Variants in EPC1 observed in about 807,000 individuals in gnomAD.
The protein encoded by EPC1 is enhancer of polycomb homolog 1.
A neutral mutation model predicts 98.4 loss-of-function variants in EPC1; 12 were observed. The observed-to-expected ratio is 0.12, with a 90% CI of 0.08 to 0.20. The LOEUF is 0.20. EPC1 is among the 10% of genes least tolerant of loss of function. EPC1 has a pLI of 1.00. For synonymous variants in EPC1, 357 were observed against 363.9 expected (o/e 0.98, Z 0.21); for missense variants, 729 against 990.5 (o/e 0.74, Z 3.54).
Position 32,272,137 on chromosome 10 carries a change from T to C in EPC1, c.1894A>G (p.Ser632Gly). ...GFVSKTLDSASAQFAASALVT... is the reference protein window; with the variant it reads ...GFVSKTLDSAGAQFAASALVT... Reference sequence around the variant, plus strand: ...AAAGCAGAAGCAGCAAACTGTGCACTAGCAGAATCCAAAGTCTTAGAAACA... The same window carrying C: ...AAAGCAGAAGCAGCAAACTGTGCACCAGCAGAATCCAAAGTCTTAGAAACA... The change falls in exon 12 of 14, where the codon AGT (serine) becomes GGT (glycine). Residue 632 changes from serine (S) to glycine (G), a missense_variant. This residue lies in a region of EPC1 where 390 missense variants were observed against 438.6 expected (regional missense o/e 0.89). Coordinates refer to ENST00000319778, the MANE Select transcript of EPC1 (RefSeq NM_001272004.3). 1 of 1,612,166 alleles carries C rather than the reference T, an allele frequency of 6.2e-7. No individual in the cohort carries two copies.
intron 10 of EPC1, among the ~76,000 whole-genome samples, chr10:32,280,574 A>G (rs1272097210): frequency 6.6e-6 from 1 of 152,190 alleles, no homozygotes; most frequent in Non-Finnish European, 1.5e-5. Flanking sequence ...CCCCGTCTCT[A>G]CTAAAAATAC....
intron 10 of EPC1, among the ~76,000 whole-genome samples, chr10:32,278,133 C>T (rs915649277): frequency 4.0e-5 from 6 of 151,148 alleles, no homozygotes; most frequent in Non-Finnish European, 8.8e-5. Flanking sequence ...CCAGGCCTCC[C>T]GGGTTCAAGC....
intron 10 of EPC1, 131 bp from the exon 11 acceptor site, chr10:32,273,412 A>G: frequency 8.7e-7 from 1 of 1,151,378 alleles, no homozygotes; most frequent in African/African-American, 1.6e-5. Context: ...TGATCCTGCT[A>G]AAGATCACTT....
intron 1 of EPC1, among the ~76,000 whole-genome samples, chr10:32,307,903 C>G (rs1835966896): frequency 6.6e-6 from 1 of 152,240 alleles, no homozygotes; most frequent in Admixed American, 6.5e-5. Flanking sequence ...CCCTTAATCT[C>G]TTAACCCTTA....
rs532879246 is a variant in EPC1 at position 32,300,397 on chromosome 10, C to T, written c.313+5375G>A. On this transcript the variant is annotated intron_variant, in intron 2 of 13. Coordinates refer to ENST00000319778, the MANE Select transcript of EPC1 (RefSeq NM_001272004.3). ...CTCCTAATGCTTTCCCTCCCGCCCC[C>T]GCTCCTGCATTTTTTCTATAGTGTA... 2.0e-5 allele frequency among the ~76,000 whole-genome samples: 3 copies of T among 151,596 alleles called. No individual in the cohort carries two copies. The East Asian group carries it at 5.8e-4, about 29-fold the overall frequency.
intron 2 of EPC1, among the ~76,000 whole-genome samples, chr10:32,304,029 C>T (rs1331376120): frequency 6.6e-6 from 1 of 152,112 alleles, no homozygotes; most frequent in Non-Finnish European, 1.5e-5. Flanking sequence ...GACAAGTTAC[C>T]TCAAATTTGT....
intron 1 of EPC1, among the ~76,000 whole-genome samples, chr10:32,356,284 A>T (rs949962605): frequency 6.6e-6 from 1 of 152,186 alleles, no homozygotes; most frequent in Non-Finnish European, 1.5e-5. Flanking sequence ...CTTCTCCATG[A>T]CACCTTGAGT....
chr10:32,358,706 A>T (rs558738408), intron 1 of EPC1, among the ~76,000 whole-genome samples: 3 of 152,026 alleles, frequency 2.0e-5, no homozygotes, highest in African/African-American at 7.2e-5. Context: ...GCACAGAACC[A>T]ATGTCTGCTG....
chr10:32,347,874 A>C (rs978301220), upstream of EPC1, among the ~76,000 whole-genome samples: 52 of 152,258 alleles, frequency 3.4e-4, 1 homozygote, highest in Admixed American at 3.0e-3. Flanking sequence ...CATTGGGCTT[A>C]ATATAAATGA....
At position 32,319,880 on chromosome 10, in the gene EPC1, T is replaced by G. The variant is rs541817201; in HGVS notation, c.154-13949A>C. ...TTTTAGTAGAGACAGAGTTTCACCA[T>G]TTTGGCCAGGCTGGTCTCGAACTCC... On this transcript the variant is annotated intron_variant, in intron 1 of 13. Transcript: ENST00000319778. 2.0e-5 allele frequency among the ~76,000 whole-genome samples: 3 copies of G among 152,248 alleles called. No homozygotes were observed. In the South Asian group the frequency reaches 6.2e-4, roughly 32 times the overall value.
chr10:32,360,670 G>C (rs953402937), intron 1 of EPC1, among the ~76,000 whole-genome samples: 1 of 152,172 alleles, frequency 6.6e-6, no homozygotes, highest in Non-Finnish European at 1.5e-5. Flanking sequence ...AAGGTGGGTG[G>C]ATCACCTGAG....
intron 1 of EPC1, among the ~76,000 whole-genome samples, chr10:32,308,929 C>T (rs1836033877): frequency 6.6e-6 from 1 of 152,136 alleles, no homozygotes; most frequent in Non-Finnish European, 1.5e-5. Context: ...TGGAACTACA[C>T]ACAATGGAAT....
chr10:32,321,108 G>A (rs751982364), intron 1 of EPC1, among the ~76,000 whole-genome samples: 3 of 151,980 alleles, frequency 2.0e-5, no homozygotes, highest in Admixed American at 6.6e-5. Flanking sequence ...ACCTTTAATG[G>A]TTAAAGACAA....
intron 2 of EPC1, among the ~76,000 whole-genome samples, chr10:32,295,265 C>T (rs1017992097): frequency 6.6e-6 from 1 of 152,070 alleles, no homozygotes; most frequent in Non-Finnish European, 1.5e-5. Flanking sequence ...GGGGAAATAA[C>T]CTCCAAACCC....
chr10:32,275,928 C>A (rs949885063), intron 10 of EPC1, among the ~76,000 whole-genome samples: 11 of 149,724 alleles, frequency 7.3e-5, no homozygotes, highest in Non-Finnish European at 1.3e-4. Context: ...CAGAGTGAGA[C>A]TCCGTCTCAT....
At position 32,271,758 on chromosome 10, in the gene EPC1, G is replaced by A; in HGVS notation, c.2165C>T (p.Ala722Val). The A allele has an allele frequency of 6.2e-7, 1 of 1,614,182 alleles. No homozygotes were observed. Among genetic ancestry groups the A allele is most frequent in the Middle Eastern group, 1.6e-4 (1 of 6,062 alleles). Residue 722 changes from alanine to valine, a missense_variant, in exon 13 of 14, where the codon GCA becomes GTA. By Grantham distance (64) the Ala-to-Val change is moderately conservative. Around this residue, in one of 6 missense-constraint regions of EPC1, gnomAD observed 156 missense variants for 188.9 expected, o/e 0.83. Transcript: ENST00000319778. ...LSHQVTAANS[A>V]TTQVLIGNNI... ...GTTCCCAATCAGAACCTGAGTTGTT[G>A]CAGAATTGGCAGCAGTTACTTGATG...
At chr10:32,290,889 C>T (rs536618415) in intron 6 of EPC1, among the ~76,000 whole-genome samples, 9 of 151,916 alleles carry the variant, frequency 5.9e-5, no homozygotes, top group African/African-American at 2.2e-4. Context: ...ATTCTCCTGT[C>T]TCAGCCTCCC....
At chr10:32,291,350 AT>A (rs1200531260) in intron 5 of EPC1, 28 bp from the exon 6 acceptor site, 1 of 1,522,762 alleles carries the variant, frequency 6.6e-7, no homozygotes, top group Non-Finnish European at 9.0e-7. Flanking sequence ...AAAGTTTAAA[AT>A]TATATATATT....
At chr10:32,345,031 C>A in intron 1 of EPC1, 1 of 545,398 alleles carries the variant, frequency 1.8e-6, no homozygotes. Context: ...ATTTCCAGGG[C>A]AGGGTAAAAC....
Sources: allele counts gnomAD v4.1 joint callset (sites outside exome capture counted in the v4.1 genomes callset), GRCh38; gene constraint gnomAD v4.1.1; regional missense constraint gnomAD v4.1.1; transcripts MANE v1.5; gene names NCBI Gene and HGNC (gene_info 2026-07-23, HGNC 2026-07-21).